The following IGSF21 variants were observed in gnomAD, a reference collection of about 807,000 sequenced individuals.
IGSF21 encodes immunoglobin superfamily member 21.
IGSF21 carries 28 observed loss-of-function variants against 46.8 expected under a neutral mutation model. The ratio of observed to expected loss-of-function variants is 0.60; its 90% CI spans 0.44 to 0.82. The LOEUF is 0.82. Ranked by LOEUF, IGSF21 falls within the 40% of genes least tolerant of loss-of-function variation. The pLI, the probability that IGSF21 is intolerant of heterozygous loss-of-function variation, is 0.00. For synonymous variants in IGSF21, 284 were observed against 273.6 expected, an observed-to-expected ratio of 1.04 and a Z score of -0.38; for missense variants, 624 against 665.5, an observed-to-expected ratio of 0.94 and a Z score of 0.69.
intron 4 of IGSF21, among the ~76,000 whole-genome samples, chr1:18,356,465 G>T (rs2086019199): frequency 6.6e-6 from 1 of 152,204 alleles, no homozygotes; most frequent in Non-Finnish European, 1.5e-5. Flanking sequence ...TTTGCCACCT[G>T]GATCTCCTGT....
Position 18,334,987 on chromosome 1 carries a change from G to A in IGSF21, c.401G>A (p.Gly134Asp). Residue 134 changes from glycine (G) to aspartate (D), a missense_variant, in exon 4 of 10, where the codon GGC becomes GAC. Gly to Asp is a moderately conservative substitution (Grantham distance 94). Coordinates refer to ENST00000251296, the MANE Select transcript of IGSF21 (RefSeq NM_032880.5). The surrounding 1 kb of genome is among the most constrained non-coding windows in gnomAD (Gnocchi z 4.3). The stretch of plus-strand genomic sequence containing the variant: ...AGGGAGAAGGTGGTCCTGGCATCAG[G>A]CAACATCTTCCTCAACGTCATGGGT... ...ATREKVVLAS[G>D]NIFLNVMAPP... The A allele has an allele frequency of 6.2e-7, 1 of 1,614,050 alleles. No homozygotes were observed. The highest frequency in any genetic ancestry group is 8.5e-7 in the Non-Finnish European group (1 of 1,179,886).
At chr1:18,141,576 C>T (rs908687282) in intron 1 of IGSF21, among the ~76,000 whole-genome samples, 5 of 152,224 alleles carry the variant, frequency 3.3e-5, no homozygotes, top group Admixed American at 1.3e-4. Context: ...CAGGAAGAAG[C>T]ATATGACTGA....
intron 1 of IGSF21, among the ~76,000 whole-genome samples, chr1:18,200,802 G>A (rs946532424): frequency 2.6e-5 from 4 of 152,232 alleles, no homozygotes; most frequent in South Asian, 2.1e-4. Context: ...CGGGATCCAC[G>A]TTGCCCTTGG....
intron 2 of IGSF21, among the ~76,000 whole-genome samples, chr1:18,257,115 G>T (rs2084900209): frequency 6.6e-6 from 1 of 152,138 alleles, no homozygotes; most frequent in African/African-American, 2.4e-5. Flanking sequence ...TAAGCTGATG[G>T]GCCAGGGCAG....
intron 2 of IGSF21, among the ~76,000 whole-genome samples, chr1:18,270,771 C>A (rs182262401): frequency 1.0e-3 from 157 of 151,938 alleles, no homozygotes; most frequent in African/African-American, 3.6e-3. Context: ...CAGTGTCCAT[C>A]AGAGATTCAA....
At chr1:18,267,915 A>G (rs1198424170) in intron 2 of IGSF21, among the ~76,000 whole-genome samples, 1 of 152,256 alleles carries the variant, frequency 6.6e-6, no homozygotes, top group Non-Finnish European at 1.5e-5. Flanking sequence ...GTTGTGACCC[A>G]GAACATTTGG....
chr1:18,363,952 TC>T (rs1350378449), intron 5 of IGSF21, among the ~76,000 whole-genome samples: 1 of 152,094 alleles, frequency 6.6e-6, no homozygotes, highest in East Asian at 1.9e-4. Context: ...CCCCAGATTT[TC>T]CCCTTTGGAG....
intron 1 of IGSF21, among the ~76,000 whole-genome samples, chr1:18,179,925 AAAAG>A (rs1185710104): frequency 6.6e-6 from 1 of 152,244 alleles, no homozygotes; most frequent in Non-Finnish European, 1.5e-5. Context: ...AAGCAAAAGG[AAAAG>A]AAACTGCCAA....
chr1:18,278,984 T>C (rs2085131992), intron 2 of IGSF21: 2 of 463,336 alleles, frequency 4.3e-6, no homozygotes, highest in South Asian at 3.2e-5. Flanking sequence ...CATGAAGCTA[T>C]AGAACTAAGC....
In IGSF21 at chr1:18,247,398, G is replaced by A. The variant is rs982108271; in HGVS notation, c.183+19388G>A. ...ACCTGCTGCCAGCCTCATCCACCACGTGTCTTTGTTGCCCTGGGTGGTGGC... is the reference window on the plus strand; with the variant it reads ...ACCTGCTGCCAGCCTCATCCACCACATGTCTTTGTTGCCCTGGGTGGTGGC... On this transcript the variant is annotated intron_variant, in intron 2 of 9. Coordinates refer to ENST00000251296, the MANE Select transcript of IGSF21 (RefSeq NM_032880.5). Among the ~76,000 whole-genome samples the A allele has an allele frequency of 5.3e-5, 8 of 152,226 alleles. No individual in the cohort carries two copies. The East Asian group carries it at 5.8e-4, about 11-fold the overall frequency.
In IGSF21 at chr1:18,108,064, G is replaced by A; in HGVS notation, c.-65G>A. On this transcript the variant is annotated 5_prime_UTR_variant, in exon 1 of 10. Coordinates refer to ENST00000251296, the MANE Select transcript of IGSF21 (RefSeq NM_032880.5). ...GCAGGAGCGCGTCTGAGCCCATGGC[G>A]AGGGGACCCGCCGCCACCGCCTCCA... 3.9e-6 allele frequency: 3 copies of A among 766,070 alleles called. No homozygotes were observed. Among genetic ancestry groups the A allele is most frequent in the Admixed American group, 3.8e-5 (1 of 26,332 alleles). 47.5% of individuals were successfully genotyped at this position (766,070 alleles called of 1,614,324 possible). A position where few individuals can be genotyped will look rare whatever the true frequency, so the allele number is the denominator to read the frequency against.
Position 18,140,439 on chromosome 1 carries a change from C to T in IGSF21, c.70+32241C>T, listed in dbSNP as rs569717145. ...AATTATTTTCTCACAGTCTGCATCT[C>T]GGGGAGCCCAAACCAAGCCTCAATG... On this transcript the variant is annotated intron_variant, in intron 1 of 9. Transcript: ENST00000251296. Among the ~76,000 whole-genome samples the T allele has an allele frequency of 8.5e-5, 13 of 152,282 alleles. No individual in the cohort carries two copies. In the South Asian group the frequency reaches 1.0e-3, roughly 12 times the overall value.
intron 1 of IGSF21, among the ~76,000 whole-genome samples, chr1:18,186,697 AT>A (rs1212410456): frequency 6.6e-6 from 1 of 152,116 alleles, no homozygotes; most frequent in Non-Finnish European, 1.5e-5. Flanking sequence ...AATGTTCAAA[AT>A]CCTATAAAGA....
intron 1 of IGSF21, 104 bp downstream of exon 1, chr1:18,108,302 G>A: frequency 8.6e-7 from 1 of 1,161,212 alleles, no homozygotes; most frequent in Non-Finnish European, 1.1e-6. Flanking sequence ...CTCGGGCTAC[G>A]AGCACCGGTC....
At chr1:18,305,498 A>ATGGG (rs1220548173) in intron 3 of IGSF21, among the ~76,000 whole-genome samples, 10 of 144,138 alleles carry the variant, frequency 6.9e-5, no homozygotes, top group Admixed American at 5.5e-4. Context: ...TGATGGATGG[A>ATGGG]TGGATGGATG....
chr1:18,374,427 T>C (rs1329369493), intron 6 of IGSF21, among the ~76,000 whole-genome samples: 1 of 152,196 alleles, frequency 6.6e-6, no homozygotes, highest in African/African-American at 2.4e-5. Context: ...GGGGTATCAT[T>C]GTTCCCATGG....
Position 18,365,240 on chromosome 1 carries a change from T to C in IGSF21, c.558T>C (p.Asp186=). The C allele has an allele frequency of 6.2e-7, 1 of 1,603,114 alleles. No individual in the cohort carries two copies. The highest frequency in any genetic ancestry group is 1.1e-5 in the South Asian group (1 of 90,322). Residue 186 remains aspartate, a synonymous_variant, in exon 6 of 10, where the codon GAT becomes GAC. Transcript: ENST00000251296. This position sits in a 1 kb window ranked among gnomAD's most constrained non-coding sequence, Gnocchi z 4.8. ...KPAPMVYFKR[D]GEPIDAVPLS... ...AATGGCAGGTTTATTTCAAACGAGATGGGGAACCAATCGACGCAGTGCCCC... is the reference window on the plus strand; with the variant it reads ...AATGGCAGGTTTATTTCAAACGAGACGGGGAACCAATCGACGCAGTGCCCC...
chr1:18,377,302 C>T lies in IGSF21; in HGVS notation c.1295-91C>T, dbSNP rs1024286269. ...CTGCACTGAGACAGTGCGTGTGATA[C>T]CTCACAGCAGGTGCTGGGTAAAGGG... On this transcript the variant is annotated intron_variant, in intron 8 of 9. Coordinates refer to ENST00000251296, the MANE Select transcript of IGSF21 (RefSeq NM_032880.5). The T allele has an allele frequency of 1.2e-4, 139 of 1,144,276 alleles. 1 individual carries two copies. In the Middle Eastern group the frequency reaches 1.6e-3, roughly 13 times the overall value. 70.9% of individuals were successfully genotyped at this position (1,144,276 alleles called of 1,614,324 possible).
intron 1 of IGSF21, among the ~76,000 whole-genome samples, chr1:18,118,408 G>A (rs2086206176): frequency 6.6e-6 from 1 of 152,228 alleles, no homozygotes; most frequent in Non-Finnish European, 1.5e-5. Flanking sequence ...CAGCTGGAGG[G>A]TGGGTAGCTG....
Sources: gnomAD v4.1 joint callset for allele counts (sites outside exome capture counted in the v4.1 genomes callset) on GRCh38, gnomAD v4.1.1 for gene constraint, Gnocchi (gnomAD v3.1) non-coding constraint, MANE v1.5 for transcripts, NCBI Gene and HGNC (gene_info 2026-07-23, HGNC 2026-07-21) for gene names.